CAMTA1: variants seen among roughly 807,000 people sequenced by gnomAD.
The protein encoded by CAMTA1 is calmodulin binding transcription activator 1.
CAMTA1 carries 27 observed loss-of-function variants against 170.9 expected under a neutral mutation model. The ratio of observed to expected loss-of-function variants is 0.16; its 90% CI spans 0.12 to 0.22. The LOEUF is 0.22. Ranked by LOEUF, CAMTA1 falls within the 10% of genes least tolerant of loss-of-function variation. CAMTA1 has a pLI of 1.00. For missense variants in CAMTA1, 1,619 were observed against 2,217.2 expected, an observed-to-expected ratio of 0.73 and a Z score of 5.42; for synonymous variants, 833 against 891.5, an observed-to-expected ratio of 0.93 and a Z score of 1.17.
intron 4 of CAMTA1, among the ~76,000 whole-genome samples, chr1:7,137,267 A>C (rs955880617): frequency 3.9e-5 from 6 of 151,962 alleles, no homozygotes; most frequent in African/African-American, 1.2e-4. Context: ...AGTCTATCCC[A>C]CCCTCACCTT....
intron 5 of CAMTA1, among the ~76,000 whole-genome samples, chr1:7,454,719 C>T (rs1474227895): frequency 1.3e-5 from 2 of 152,122 alleles, no homozygotes; most frequent in South Asian, 2.1e-4. Context: ...GAGGCCTGGA[C>T]AGCAGTGCTG....
At chr1:7,678,176 C>T (rs553144471) in intron 11 of CAMTA1, among the ~76,000 whole-genome samples, 25 of 152,342 alleles carry the variant, frequency 1.6e-4, no homozygotes, top group African/African-American at 4.6e-4. Flanking sequence ...CCAAGCCTCT[C>T]GAGAAAGAGG....
chr1:7,236,351 C>T (rs1663855674), intron 4 of CAMTA1, among the ~76,000 whole-genome samples: 1 of 152,196 alleles, frequency 6.6e-6, no homozygotes, highest in South Asian at 2.1e-4. Flanking sequence ...CCCCTTGCAA[C>T]AAAAGGAAGA....
chr1:6,928,027 C>T (rs7545419), intron 3 of CAMTA1, among the ~76,000 whole-genome samples: 9,368 of 152,226 alleles, frequency 0.062, 299 homozygotes, highest in Middle Eastern at 0.088. Context: ...GGGCCAGGCT[C>T]CACTCTCTCC....
intron 4 of CAMTA1, among the ~76,000 whole-genome samples, chr1:7,115,974 C>T (rs532461341): frequency 6.6e-6 from 1 of 152,300 alleles, no homozygotes; most frequent in Non-Finnish European, 1.5e-5. Flanking sequence ...CACCCTCATC[C>T]ACACATCCAG....
At chr1:6,816,867 G>A (rs1645887860) in intron 1 of CAMTA1, among the ~76,000 whole-genome samples, 1 of 152,218 alleles carries the variant, frequency 6.6e-6, no homozygotes, top group Non-Finnish European at 1.5e-5. Flanking sequence ...TTTGGCACAG[G>A]GGTATCTAGT....
At chr1:7,167,833 C>T (rs1239323986) in intron 4 of CAMTA1, among the ~76,000 whole-genome samples, 3 of 152,072 alleles carry the variant, frequency 2.0e-5, no homozygotes, top group Non-Finnish European at 2.9e-5. Context: ...ACTGCAGCCT[C>T]GAATTCCTAG....
At chr1:7,701,244 C>A (rs1450839897) in intron 11 of CAMTA1, among the ~76,000 whole-genome samples, 1 of 152,162 alleles carries the variant, frequency 6.6e-6, no homozygotes, top group Non-Finnish European at 1.5e-5. Context: ...GAATATCCTG[C>A]TTGCAGGAGA....
intron 3 of CAMTA1, among the ~76,000 whole-genome samples, chr1:6,862,264 C>T (rs921291399): frequency 1.3e-5 from 2 of 152,222 alleles, no homozygotes; most frequent in African/African-American, 2.4e-5. Flanking sequence ...TGAGCCACCA[C>T]GCCCAGCCTA....
At chr1:7,487,733 A>G (rs912946629) in intron 6 of CAMTA1, among the ~76,000 whole-genome samples, 4 of 152,184 alleles carry the variant, frequency 2.6e-5, no homozygotes, top group Admixed American at 6.5e-5. Context: ...CAAGAAACTG[A>G]GTGTCCCCAA....
intron 5 of CAMTA1, among the ~76,000 whole-genome samples, chr1:7,272,094 G>A (rs974996383): frequency 7.2e-5 from 11 of 151,996 alleles, no homozygotes; most frequent in African/African-American, 2.7e-4. Flanking sequence ...CTATATACAT[G>A]AGCAATAAAC....
At chr1:7,722,247 A>G (rs1041290386) in intron 11 of CAMTA1, among the ~76,000 whole-genome samples, 2 of 152,220 alleles carry the variant, frequency 1.3e-5, no homozygotes, top group African/African-American at 4.8e-5. Context: ...TCTTTAAAAC[A>G]TTGCTAAGGA....
rs1317579701 is a variant in CAMTA1 at position 7,685,333 on chromosome 1, T to C, written c.2914+7600T>C. On this transcript the variant is annotated intron_variant, in intron 11 of 22. Transcript: ENST00000303635. This position sits in a 1 kb window ranked among gnomAD's most constrained non-coding sequence, Gnocchi z 5.7. ...CTCACAGGATGCCCTCCTGTTGGAA[T>C]GCTCAGGGACGGCCATGGGGCAGCA... Among the ~76,000 whole-genome samples the C allele has an allele frequency of 6.6e-6, 1 of 152,174 alleles. No individual in the cohort carries two copies. Among genetic ancestry groups the C allele is most frequent in the Non-Finnish European group, 1.5e-5 (1 of 68,034 alleles).
At chr1:6,847,795 C>A (rs892889481) in intron 3 of CAMTA1, among the ~76,000 whole-genome samples, 21 of 151,626 alleles carry the variant, frequency 1.4e-4, no homozygotes, top group Admixed American at 2.6e-4. Flanking sequence ...CCTCCGTCTC[C>A]CGGGTTCAAG....
At chr1:7,522,082 C>T (rs2094372940) in intron 6 of CAMTA1, among the ~76,000 whole-genome samples, 1 of 152,200 alleles carries the variant, frequency 6.6e-6, no homozygotes, top group South Asian at 2.1e-4. Context: ...AACCGTGTGC[C>T]AGAACAACTG....
intron 5 of CAMTA1, among the ~76,000 whole-genome samples, chr1:7,277,263 A>T (rs1670852065): frequency 6.6e-6 from 1 of 152,230 alleles, no homozygotes; most frequent in Admixed American, 6.5e-5. Context: ...AGCTAAAAGG[A>T]TTTATAAAAA....
At chr1:7,016,255 C>A (rs1020225207) in intron 3 of CAMTA1, among the ~76,000 whole-genome samples, 1 of 152,156 alleles carries the variant, frequency 6.6e-6, no homozygotes, top group African/African-American at 2.4e-5. Context: ...CAGTTGGTTC[C>A]TTTCAGTGGC....
intron 4 of CAMTA1, among the ~76,000 whole-genome samples, chr1:7,129,331 C>T (rs1645116306): frequency 6.6e-6 from 1 of 152,188 alleles, no homozygotes; most frequent in African/African-American, 2.4e-5. Context: ...CAAGACAGGA[C>T]TTGAGCCTTC....
intron 5 of CAMTA1, among the ~76,000 whole-genome samples, chr1:7,352,035 T>C (rs2084715773): frequency 6.6e-6 from 1 of 151,946 alleles, no homozygotes. Context: ...AAGCGCCAGG[T>C]CCAGGATGGC....
Sources: allele counts gnomAD v4.1 joint callset (sites outside exome capture counted in the v4.1 genomes callset), GRCh38; gene constraint gnomAD v4.1.1; non-coding constraint Gnocchi (gnomAD v3.1); transcripts MANE v1.5; gene names NCBI Gene and HGNC (gene_info 2026-07-23, HGNC 2026-07-21).